The following FAF1 variants were observed in gnomAD, a reference collection of about 807,000 sequenced individuals.
The protein encoded by FAF1 is FAS-associated factor 1.
In FAF1, 25 loss-of-function variants were observed where a neutral mutation model predicts 92.5. The observed-to-expected ratio is 0.27, with a 90% CI of 0.20 to 0.38. The LOEUF (loss-of-function observed/expected upper bound fraction) is 0.38, where lower values mean the gene tolerates loss of function less well. FAF1 is among the 10% of genes least tolerant of loss of function. The pLI is 1.00. For synonymous variants in FAF1, 234 were observed against 273.2 expected, an observed-to-expected ratio of 0.86 and a Z score of 1.42; for missense variants, 636 against 793.3, an observed-to-expected ratio of 0.80 and a Z score of 2.38.
chr1:50,874,758 C>CTCTT (rs1644556319), intron 1 of FAF1, among the ~76,000 whole-genome samples: 1 of 67,228 alleles, frequency 1.5e-5, no homozygotes, highest in African/African-American at 6.3e-5. Flanking sequence ...TCTTTTCTTT[C>CTCTT]TTTTTTTTTT....
chr1:50,923,668 G>A (rs1350646102), intron 1 of FAF1, among the ~76,000 whole-genome samples: 3 of 152,054 alleles, frequency 2.0e-5, no homozygotes, highest in South Asian at 2.1e-4. Context: ...ACATAGATTC[G>A]ATAGAATCCT....
chr1:50,460,070 C>T (rs1188993186), intron 18 of FAF1, among the ~76,000 whole-genome samples: 2 of 152,200 alleles, frequency 1.3e-5, no homozygotes, highest in Non-Finnish European at 2.9e-5. Flanking sequence ...ACTACCATGT[C>T]CCAAATGTAT....
At chr1:50,676,129 AGGC>A in intron 7 of FAF1, among the ~76,000 whole-genome samples, 1 of 152,336 alleles carries the variant, frequency 6.6e-6, no homozygotes, top group African/African-American at 2.4e-5. Context: ...AACTAGGGCC[AGGC>A]ACAGTGGCTC....
rs2148969867 is a variant in FAF1 at position 50,437,691 on chromosome 1, C to T, written c.*3749G>A. 1 of 152,182 alleles carries T rather than the reference C, an allele frequency of 6.6e-6. No individual in the cohort carries two copies. The highest frequency in any genetic ancestry group is 2.1e-4 in the South Asian group (1 of 4,814). The allele number at this position is 152,182 out of a possible 1,614,324, so 9.4% of individuals were successfully genotyped here. On this transcript the variant is annotated 3_prime_UTR_variant, in exon 19 of 19. Coordinates refer to ENST00000396153, the MANE Select transcript of FAF1 (RefSeq NM_007051.3). ...GTGATGTTTAACTTTTTATGTACAA[C>T]TGTAGAGGATTCCAAGATCCGTTCT...
intron 1 of FAF1, among the ~76,000 whole-genome samples, chr1:50,899,956 C>A (rs902525379): frequency 6.6e-6 from 1 of 152,130 alleles, no homozygotes; most frequent in African/African-American, 2.4e-5. Context: ...AAAGTATTTT[C>A]ATTCAGCTGG....
At chr1:50,557,294 G>A (rs1220961745) in intron 13 of FAF1, among the ~76,000 whole-genome samples, 1 of 152,220 alleles carries the variant, frequency 6.6e-6, no homozygotes, top group Non-Finnish European at 1.5e-5. Context: ...TTAGCCAACA[G>A]TAGATAAACT....
chr1:50,843,119 T>C (rs1432879947), intron 2 of FAF1, among the ~76,000 whole-genome samples: 1 of 152,180 alleles, frequency 6.6e-6, no homozygotes, highest in Non-Finnish European at 1.5e-5. Context: ...CCAATTACCT[T>C]TGTCTAAAAC....
At chr1:50,808,039 C>T (rs886565215) in intron 2 of FAF1, among the ~76,000 whole-genome samples, 1 of 152,078 alleles carries the variant, frequency 6.6e-6, no homozygotes, top group Admixed American at 6.5e-5. Flanking sequence ...GAAACTTCCT[C>T]AGGTTAACAG....
At chr1:50,444,135 C>T (rs898226774) in intron 18 of FAF1, among the ~76,000 whole-genome samples, 6 of 152,198 alleles carry the variant, frequency 3.9e-5, no homozygotes, top group African/African-American at 1.4e-4. Context: ...ATTTGCCTGG[C>T]TTGGACAAAC....
intron 8 of FAF1, among the ~76,000 whole-genome samples, chr1:50,641,569 T>C (rs1557450953): frequency 1.3e-5 from 2 of 152,250 alleles, no homozygotes; most frequent in Non-Finnish European, 2.9e-5. Context: ...CTAATGTGTA[T>C]TGAGACAATA....
At chr1:50,452,215 A>G (rs1475655219) in intron 18 of FAF1, 1 of 1,246,958 alleles carries the variant, frequency 8.0e-7, no homozygotes. Flanking sequence ...AATTTCAAGC[A>G]AATAAAAGAA....
In FAF1 at chr1:50,788,003, C is replaced by T. The variant is rs201769100; in HGVS notation, c.364G>A (p.Val122Ile). ...VDVVLEDTCTVGEIKQILENE... is the reference protein window; with the variant it reads ...VDVVLEDTCTIGEIKQILENE... Reference sequence around the variant, plus strand: ...TTTATGGCAGGAAAAACCTTACCAACAGTACAGGTGTCTTCAAGTACCACA... The same window carrying T: ...TTTATGGCAGGAAAAACCTTACCAATAGTACAGGTGTCTTCAAGTACCACA... Residue 122 changes from valine (V) to isoleucine (I), a missense_variant, in exon 4 of 19, where the codon GTT (valine) becomes ATT (isoleucine). This residue lies in a region of FAF1 where 317 missense variants were observed against 342.4 expected (regional missense o/e 0.93). Transcript: ENST00000396153. 2.3e-4 allele frequency: 378 copies of T among 1,611,840 alleles called. No individual in the cohort carries two copies. Among genetic ancestry groups the T allele is most frequent in the Non-Finnish European group, 2.9e-4 (346 of 1,178,136 alleles).
intron 9 of FAF1, among the ~76,000 whole-genome samples, chr1:50,589,823 G>C (rs572652877): frequency 1.3e-5 from 2 of 152,088 alleles, no homozygotes; most frequent in African/African-American, 4.8e-5. Context: ...CTTACAGTTA[G>C]GTCTTTCATA....
intron 15 of FAF1, among the ~76,000 whole-genome samples, chr1:50,514,910 G>A (rs1647196929): frequency 6.6e-6 from 1 of 152,134 alleles, no homozygotes; most frequent in Admixed American, 6.5e-5. Context: ...GATGGAGCCT[G>A]TACATTTTTC....
At chr1:50,907,160 C>G (rs1261637228) in intron 1 of FAF1, among the ~76,000 whole-genome samples, 1 of 152,188 alleles carries the variant, frequency 6.6e-6, no homozygotes, top group Non-Finnish European at 1.5e-5. Flanking sequence ...GTCTTTGGTT[C>G]TGTTTACACA....
At chr1:50,521,872 T>C (rs551902371) in intron 15 of FAF1, among the ~76,000 whole-genome samples, 3 of 152,210 alleles carry the variant, frequency 2.0e-5, no homozygotes, top group East Asian at 1.9e-4. Context: ...AAGGGAAAAA[T>C]GTGGAGGGCT....
chr1:50,792,254 T>C (rs1661589218), intron 3 of FAF1, among the ~76,000 whole-genome samples: 1 of 152,228 alleles, frequency 6.6e-6, no homozygotes, highest in Non-Finnish European at 1.5e-5. Context: ...ATAGCCTTTT[T>C]AAAAGTTTCT....
intron 2 of FAF1, among the ~76,000 whole-genome samples, chr1:50,825,777 G>A (rs1349926428): frequency 2.0e-5 from 3 of 152,020 alleles, no homozygotes; most frequent in African/African-American, 2.4e-5. Flanking sequence ...GACCAATAAA[G>A]CAAATATCAA....
chr1:50,650,976 G>A (rs923470712), intron 8 of FAF1, among the ~76,000 whole-genome samples: 1 of 152,100 alleles, frequency 6.6e-6, no homozygotes, highest in Non-Finnish European at 1.5e-5. Flanking sequence ...CACCCTATTC[G>A]AGTACAACCA....
Sources: gnomAD v4.1 joint callset for allele counts (sites outside exome capture counted in the v4.1 genomes callset) on GRCh38, gnomAD v4.1.1 for gene constraint, gnomAD v4.1.1 regional missense constraint, MANE v1.5 for transcripts, NCBI Gene and HGNC (gene_info 2026-07-23, HGNC 2026-07-21) for gene names.